The following FLACC1 variants were observed in gnomAD, a reference collection of about 807,000 sequenced individuals.
FLACC1 encodes the protein flagellum-associated coiled-coil domain-containing protein 1.
A neutral mutation model predicts 62.8 loss-of-function variants in FLACC1; 66 were observed. That is an observed-to-expected ratio of 1.05 (90% CI 0.86 to 1.29). FLACC1 has a LOEUF of 1.29. Ranked by LOEUF, FLACC1 falls within the 50% of genes most tolerant of loss-of-function variation. The pLI, the probability that FLACC1 is intolerant of heterozygous loss-of-function variation, is 0.00. For missense variants in FLACC1, 452 were observed against 489.1 expected (o/e 0.92, Z 0.71); for synonymous variants, 156 against 161.0 (o/e 0.97, Z 0.24).
At chr2:201,301,665 T>G (rs980514415) in intron 11 of FLACC1, among the ~76,000 whole-genome samples, 2 of 152,026 alleles carry the variant, frequency 1.3e-5, no homozygotes, top group Non-Finnish European at 2.9e-5. Flanking sequence ...GAAAAAATGT[T>G]AAGGGCAGCC....
At chr2:201,306,916 C>A (rs1482306685) in intron 11 of FLACC1, among the ~76,000 whole-genome samples, 1 of 152,086 alleles carries the variant, frequency 6.6e-6, no homozygotes, top group African/African-American at 2.4e-5. Context: ...ATGAATGGAC[C>A]AATAAGCATA....
intron 7 of FLACC1, among the ~76,000 whole-genome samples, chr2:201,339,718 T>C (rs1950767465): frequency 1.3e-5 from 2 of 152,136 alleles, no homozygotes; most frequent in African/African-American, 4.8e-5. Flanking sequence ...GTTTCCAAAG[T>C]TTTTCTTGTT....
intron 1 of FLACC1, among the ~76,000 whole-genome samples, chr2:201,353,201 T>C (rs760384124): frequency 6.6e-6 from 1 of 152,154 alleles, no homozygotes; most frequent in Non-Finnish European, 1.5e-5. Flanking sequence ...TTAAAAAATA[T>C]TGAATGAGAA....
intron 12 of FLACC1, among the ~76,000 whole-genome samples, chr2:201,290,761 A>G (rs990537260): frequency 1.3e-5 from 2 of 152,204 alleles, no homozygotes; most frequent in Non-Finnish European, 2.9e-5. Context: ...GCAAGGGGTC[A>G]GGGAATTCCC....
At chr2:201,337,326 T>C (rs1010333980) in intron 7 of FLACC1, among the ~76,000 whole-genome samples, 8 of 152,182 alleles carry the variant, frequency 5.3e-5, no homozygotes, top group South Asian at 4.1e-4. Flanking sequence ...TGATGAGAGA[T>C]AGGGGTCTAG....
At chr2:201,341,949 C>A (rs1950818953) in intron 7 of FLACC1, among the ~76,000 whole-genome samples, 1 of 151,994 alleles carries the variant, frequency 6.6e-6, no homozygotes, top group African/African-American at 2.4e-5. Flanking sequence ...TTTGCTGAGG[C>A]CCTGACCTAG....
rs1020370709 is a variant in FLACC1, at chr2:201,346,102, T to G, written c.368+440A>C. ...ATAGCTTAAACCTGGGAGGCAGAAG[T>G]TGCAGTGAGCTGAGATCGTGCCACT... On this transcript the variant is annotated intron_variant, in intron 5 of 14. Transcript: ENST00000392257. This position sits in a 1 kb window ranked among gnomAD's most constrained non-coding sequence, Gnocchi z 4.0. 3.9e-5 allele frequency among the ~76,000 whole-genome samples: 6 copies of G among 152,020 alleles called. No homozygotes were observed. The highest frequency in any genetic ancestry group is 5.9e-5 in the Non-Finnish European group (4 of 68,000).
intron 9 of FLACC1, among the ~76,000 whole-genome samples, chr2:201,327,296 C>A (rs2125588930): frequency 6.6e-6 from 1 of 152,076 alleles, no homozygotes; most frequent in African/African-American, 2.4e-5. Flanking sequence ...AAAGCAAATG[C>A]AACAAAACCA....
In FLACC1 at chr2:201,346,741, T is replaced by G. The variant is rs1463504888; in HGVS notation, c.235-66A>C. On this transcript the variant is annotated intron_variant, in intron 4 of 14. Transcript: ENST00000392257. This position sits in a 1 kb window ranked among gnomAD's most constrained non-coding sequence, Gnocchi z 4.0. ...AGTGCTGAGATTTTTCCAAATCTTC[T>G]CTTATTGCCTCACTCACATCTTAAA... 6.3e-7 allele frequency: 1 copy of G among 1,594,238 alleles called. No individual in the cohort carries two copies. The highest frequency in any genetic ancestry group is 8.6e-7 in the Non-Finnish European group (1 of 1,168,322).
rs1419681534 is a variant in FLACC1, at chr2:201,326,115, C to T, written c.675+4355G>A. Among the ~76,000 whole-genome samples the T allele has an allele frequency of 6.6e-6, 1 of 152,124 alleles. No individual in the cohort carries two copies. Among genetic ancestry groups the T allele is most frequent in the Non-Finnish European group, 1.5e-5 (1 of 68,024 alleles). On this transcript the variant is annotated intron_variant, in intron 9 of 14. Transcript: ENST00000392257. The surrounding 1 kb of genome is among the most constrained non-coding windows in gnomAD (Gnocchi z 4.1). ...AGAAAAAGCATTTAATAAAATCCAGCATCCTTCATAATTAAAACTCCTAAC... is the reference window on the plus strand; with the variant it reads ...AGAAAAAGCATTTAATAAAATCCAGTATCCTTCATAATTAAAACTCCTAAC...
At chr2:201,349,255 T>G (rs1031193727) in intron 3 of FLACC1, among the ~76,000 whole-genome samples, 2 of 152,186 alleles carry the variant, frequency 1.3e-5, no homozygotes, top group Admixed American at 1.3e-4. Context: ...AGGTCAGACA[T>G]GCCAAGCAAG....
chr2:201,311,857 A>C (rs1377866065), intron 9 of FLACC1, among the ~76,000 whole-genome samples: 1 of 152,230 alleles, frequency 6.6e-6, no homozygotes, highest in Admixed American at 6.5e-5. Context: ...ACATGGAAAA[A>C]GCCTTTGATA....
At chr2:201,289,345 G>T in intron 14 of FLACC1, 112 bp downstream of exon 14, 1 of 966,408 alleles carries the variant, frequency 1.0e-6, no homozygotes, top group Non-Finnish European at 1.6e-6. Flanking sequence ...AAACACCTGT[G>T]CCTTGACATA....
intron 2 of FLACC1, 52 bp from the exon 3 acceptor site, chr2:201,350,834 C>G: frequency 2.7e-6 from 4 of 1,496,706 alleles, no homozygotes; most frequent in Non-Finnish European, 3.7e-6. Context: ...ATTCGGAAAC[C>G]CTTTTTAACA....
chr2:201,320,048 C>T (rs1950374537), intron 9 of FLACC1, among the ~76,000 whole-genome samples: 1 of 152,220 alleles, frequency 6.6e-6, no homozygotes, highest in Non-Finnish European at 1.5e-5. Context: ...TAACCCTATG[C>T]AGCACAGGAA....
intron 3 of FLACC1, among the ~76,000 whole-genome samples, chr2:201,349,289 TTGCTGGTCCCTC>T (rs917909056): frequency 6.6e-6 from 1 of 152,216 alleles, no homozygotes; most frequent in African/African-American, 2.4e-5. Flanking sequence ...GCCTTTGGAC[TTGCTGGTCCCTC>T]TGCCAAGAGT....
At chr2:201,320,750 GC>G (rs1177249695) in intron 9 of FLACC1, among the ~76,000 whole-genome samples, 1 of 152,174 alleles carries the variant, frequency 6.6e-6, no homozygotes, top group African/African-American at 2.4e-5. Context: ...CCCGTCACCT[GC>G]CCTGGTAGTT....
intron 1 of FLACC1, among the ~76,000 whole-genome samples, chr2:201,353,067 A>G (rs1474908418): frequency 2.6e-5 from 4 of 152,208 alleles, no homozygotes; most frequent in Admixed American, 2.0e-4. Flanking sequence ...TTGTTGCTTG[A>G]GCCACTACAT....
intron 11 of FLACC1, among the ~76,000 whole-genome samples, chr2:201,306,650 C>G (rs1950112930): frequency 6.6e-6 from 1 of 152,090 alleles, no homozygotes; most frequent in Non-Finnish European, 1.5e-5. Flanking sequence ...ACACAAAAAT[C>G]TGTAACCATA....
Sources: allele counts gnomAD v4.1 joint callset (sites outside exome capture counted in the v4.1 genomes callset), GRCh38; gene constraint gnomAD v4.1.1; non-coding constraint Gnocchi (gnomAD v3.1); transcripts MANE v1.5; gene names NCBI Gene and HGNC (gene_info 2026-07-23, HGNC 2026-07-21).